TUSC3: variants seen among roughly 807,000 people sequenced by gnomAD.
TUSC3 encodes tumor suppressor candidate 3, also known as dolichyl-diphosphooligosaccharide--protein glycosyltransferase subunit TUSC3.
In TUSC3, 45 loss-of-function variants were observed where a neutral mutation model predicts 44.8. The ratio of observed to expected loss-of-function variants is 1.00; its 90% CI spans 0.79 to 1.29. TUSC3 has a LOEUF of 1.29. TUSC3 is among the 50% of genes most tolerant of loss of function. The probability of loss-of-function intolerance (pLI) is 0.00; values close to 1 mark genes in which losing one functional copy is unlikely to be tolerated. For missense variants in TUSC3, 519 were observed against 437.9 expected, an observed-to-expected ratio of 1.19 and a Z score of -1.65; for synonymous variants, 212 against 152.9, an observed-to-expected ratio of 1.39 and a Z score of -2.85.
At chr8:15,602,474 G>C (rs930962733) in intron 1 of TUSC3, among the ~76,000 whole-genome samples, 1 of 151,448 alleles carries the variant, frequency 6.6e-6, no homozygotes, top group African/African-American at 2.4e-5. Flanking sequence ...AAAAAGTATT[G>C]TGTTTATTTA....
intron 3 of TUSC3, among the ~76,000 whole-genome samples, chr8:15,654,408 G>C (rs1409095963): frequency 6.6e-6 from 1 of 152,110 alleles, no homozygotes; most frequent in Non-Finnish European, 1.5e-5. Flanking sequence ...AATGGAATAA[G>C]ATAGACTCCT....
At chr8:15,519,704 C>A (rs1376376683) in intron 2 of TUSC3, among the ~76,000 whole-genome samples, 1 of 152,156 alleles carries the variant, frequency 6.6e-6, no homozygotes, top group Non-Finnish European at 1.5e-5. Flanking sequence ...AATTGTCTTC[C>A]ATGAAACAAG....
chr8:15,465,881 C>G (rs1164358434), intron 1 of TUSC3, among the ~76,000 whole-genome samples: 1 of 152,134 alleles, frequency 6.6e-6, no homozygotes, highest in Non-Finnish European at 1.5e-5. Context: ...ACAGGCATTT[C>G]CTCATTTTCT....
intron 7 of TUSC3, among the ~76,000 whole-genome samples, chr8:15,737,602 A>C (rs1810993300): frequency 6.6e-6 from 1 of 152,176 alleles, no homozygotes; most frequent in South Asian, 2.1e-4. Flanking sequence ...AACTAGGCCA[A>C]AGTATGTGTG....
At chr8:15,826,257 G>A in the TUSC3 span, among the ~76,000 whole-genome samples, 2 of 152,008 alleles carry the variant, frequency 1.3e-5, no homozygotes, top group African/African-American at 4.8e-5. Context: ...TACTACTCTG[G>A]GTCATTTGGT....
intron 6 of TUSC3, among the ~76,000 whole-genome samples, chr8:15,720,555 A>C (rs1810265010): frequency 6.6e-6 from 1 of 152,120 alleles, no homozygotes; most frequent in South Asian, 2.1e-4. Context: ...TCAGATGTCA[A>C]GATAAAGTCT....
At position 15,431,327 on chromosome 8, in the gene TUSC3, ATATC is replaced by A. The variant is rs1380031128; in HGVS notation, n.91+14030_91+14033del. Among the ~76,000 whole-genome samples, 5 of 151,886 alleles carry A rather than the reference ATATC, an allele frequency of 3.3e-5. No homozygotes were observed. In the East Asian group the frequency reaches 7.7e-4, roughly 23 times the overall value. On this transcript the variant is annotated intron_variant and non_coding_transcript_variant, in intron 1 of 5. Coordinates refer to the TUSC3 transcript ENST00000503191. Reference sequence around the variant, plus strand: ...ATATTCTTCCAATCCATGAACACATATATCTATCTATTTGTGTCTTCAATTTATT... The same window carrying A: ...ATATTCTTCCAATCCATGAACACATATATCTATTTGTGTCTTCAATTTATT...
the TUSC3 span, among the ~76,000 whole-genome samples, chr8:15,798,867 A>G: frequency 5.3e-5 from 8 of 152,136 alleles, no homozygotes; most frequent in South Asian, 1.7e-3. Flanking sequence ...TTCCATATAA[A>G]GACTAGGGAA....
chr8:15,666,101 A>C (rs1223036021), intron 5 of TUSC3, among the ~76,000 whole-genome samples: 1 of 151,526 alleles, frequency 6.6e-6, no homozygotes, highest in Non-Finnish European at 1.5e-5. Context: ...TCTTGAGAAA[A>C]CAATATTGAC....
At chr8:15,757,093 T>A (rs2129222821) in intron 9 of TUSC3, among the ~76,000 whole-genome samples, 1 of 152,276 alleles carries the variant, frequency 6.6e-6, no homozygotes, top group African/African-American at 2.4e-5. Flanking sequence ...GCTATGATTG[T>A]GCCACTGCAC....
At chr8:15,499,893 C>T (rs1276811213) in intron 2 of TUSC3, among the ~76,000 whole-genome samples, 1 of 152,206 alleles carries the variant, frequency 6.6e-6, no homozygotes, top group East Asian at 1.9e-4. Flanking sequence ...CGTACACACA[C>T]ACACATTCTG....
intron 2 of TUSC3, among the ~76,000 whole-genome samples, chr8:15,496,530 A>G (rs959213768): frequency 6.6e-6 from 1 of 152,182 alleles, no homozygotes; most frequent in Middle Eastern, 3.2e-3. Flanking sequence ...CTTCTGATAC[A>G]TGCCGACAAG....
At chr8:15,575,617 A>G (rs1232278438) in intron 1 of TUSC3, among the ~76,000 whole-genome samples, 2 of 152,052 alleles carry the variant, frequency 1.3e-5, no homozygotes, top group African/African-American at 4.8e-5. Context: ...AAATAAAAAA[A>G]TTAATTGAGA....
intron 6 of TUSC3, among the ~76,000 whole-genome samples, chr8:15,717,729 C>G (rs1434389200): frequency 6.6e-6 from 1 of 152,078 alleles, no homozygotes; most frequent in Non-Finnish European, 1.5e-5. Context: ...AAATTCTATT[C>G]TTCATTTTGT....
chr8:15,430,176 A>C (rs1467127149), intron 1 of TUSC3, among the ~76,000 whole-genome samples: 3 of 146,422 alleles, frequency 2.0e-5, no homozygotes, highest in Non-Finnish European at 4.5e-5. Context: ...CACAACAAAA[A>C]AAAGAGAATT....
At chr8:15,602,179 C>G (rs1171410607) in intron 1 of TUSC3, among the ~76,000 whole-genome samples, 2 of 151,500 alleles carry the variant, frequency 1.3e-5, no homozygotes, top group South Asian at 2.1e-4. Context: ...AGTCTGAAGT[C>G]CAAAATGCTT....
the TUSC3 span, chr8:15,806,720 A>C: frequency 2.4e-6 from 2 of 823,622 alleles, no homozygotes; most frequent in African/African-American, 3.4e-5. Flanking sequence ...GGCTTTGGAT[A>C]CAGCCAGAGA....
At chr8:15,508,606 C>G (rs568038173) in intron 2 of TUSC3, among the ~76,000 whole-genome samples, 40 of 151,832 alleles carry the variant, frequency 2.6e-4, no homozygotes, top group African/African-American at 9.2e-4. Context: ...GGACTACAGG[C>G]GCCTGCCACC....
the TUSC3 span, among the ~76,000 whole-genome samples, chr8:15,801,141 G>A: frequency 6.6e-6 from 1 of 152,182 alleles, no homozygotes; most frequent in African/African-American, 2.4e-5. Flanking sequence ...ACCCACAAGG[G>A]TTGCTGGTTG....
Sources: allele counts gnomAD v4.1 joint callset (sites outside exome capture counted in the v4.1 genomes callset), GRCh38; gene constraint gnomAD v4.1.1; transcripts MANE v1.5; gene names NCBI Gene and HGNC (gene_info 2026-07-23, HGNC 2026-07-21).